Variants in ITPK1 observed in about 807,000 individuals in gnomAD.
ITPK1 encodes inositol-tetrakisphosphate 1-kinase.
A neutral mutation model predicts 45.3 loss-of-function variants in ITPK1; 21 were observed. The observed-to-expected ratio is 0.46, with a 90% CI of 0.33 to 0.67. The LOEUF is 0.67. ITPK1 is among the 30% of genes least tolerant of loss of function. ITPK1 has a pLI of 0.02. For missense variants in ITPK1, 474 were observed against 573.5 expected (o/e 0.83, Z 1.77); for synonymous variants, 258 against 253.6 (o/e 1.02, Z -0.16).
In ITPK1 at chr14:92,953,232, C is replaced by T. The variant is rs550253847; in HGVS notation, c.671-1219G>A. ...TTCGGGCGGAAGCCAAGCAGGCAGG[C>T]GCTGAGATGTACCCGGCGTCCCTCC... On this transcript the variant is annotated intron_variant, in intron 8 of 10. Coordinates refer to ENST00000267615, the MANE Select transcript of ITPK1 (RefSeq NM_014216.6). Among the ~76,000 whole-genome samples the T allele has an allele frequency of 5.9e-5, 9 of 152,370 alleles. No individual in the cohort carries two copies. In the East Asian group the frequency reaches 7.7e-4, roughly 13 times the overall value.
intron 2 of ITPK1, among the ~76,000 whole-genome samples, chr14:93,087,346 C>G (rs577765560): frequency 5.7e-4 from 87 of 152,308 alleles, no homozygotes; most frequent in African/African-American, 2.0e-3. Flanking sequence ...TTTCAAGATG[C>G]CTCACTCCTT....
rs147114354 is a variant in ITPK1 at position 92,946,409 on chromosome 14, C to T, written c.823G>A (p.Val275Met). The change falls in exon 10 of 11, where the codon GTG (valine) becomes ATG (methionine). Residue 275 changes from valine (V) to methionine (M), a missense_variant. Around this residue, in one of 2 missense-constraint regions of ITPK1, gnomAD observed 367 missense variants for 480.6 expected, o/e 0.76. Coordinates refer to ENST00000267615, the MANE Select transcript of ITPK1 (RefSeq NM_014216.6). ...LSRALRQALG[V>M]SLFGIDIIIN... The stretch of plus-strand genomic sequence containing the variant: ...ATGATGTCGATGCCGAAGAGTGACA[C>T]GCCCAGTGCCTGCCGCAGGGCCCGG... The T allele has an allele frequency of 1.5e-4, 243 of 1,613,196 alleles. No homozygotes were observed. The highest frequency in any genetic ancestry group is 1.8e-4 in the Non-Finnish European group (209 of 1,179,994).
chr14:93,093,337 C>T (rs8005954), intron 2 of ITPK1, among the ~76,000 whole-genome samples: 1,696 of 152,344 alleles, frequency 0.011, 11 homozygotes, highest in African/African-American at 0.024. Context: ...CAGGCCGTTT[C>T]GGCCCTTTGT....
chr14:93,098,496 T>C (rs755180380), intron 2 of ITPK1, among the ~76,000 whole-genome samples: 24 of 150,296 alleles, frequency 1.6e-4, no homozygotes, highest in Admixed American at 2.6e-4. Flanking sequence ...GGCGTGGTGG[T>C]GGGCGCCTGT....
intron 2 of ITPK1, among the ~76,000 whole-genome samples, chr14:93,085,587 C>A (rs1891617113): frequency 6.6e-6 from 1 of 152,160 alleles, no homozygotes; most frequent in Non-Finnish European, 1.5e-5. Context: ...CTGAAAGCAG[C>A]ACAGGAACTG....
rs1179305345 is a variant in ITPK1 at position 92,938,854 on chromosome 14, C to A, written c.*2707G>T. 2.2e-6 allele frequency: 1 copy of A among 448,400 alleles called. No individual in the cohort carries two copies. Among genetic ancestry groups the A allele is most frequent in the Admixed American group, 3.8e-5 (1 of 26,506 alleles). The allele number at this position is 448,400 out of a possible 1,614,324, so 27.8% of individuals were successfully genotyped here. On this transcript the variant is annotated 3_prime_UTR_variant, in exon 11 of 11. Coordinates refer to ENST00000267615, the MANE Select transcript of ITPK1 (RefSeq NM_014216.6). ...ATAATCAAAGCACTGTCAGGCAGAA[C>A]TTGACCCACGGCCTCAGCCCCAGGG...
At chr14:92,983,177 T>C (rs1321449190) in intron 5 of ITPK1, among the ~76,000 whole-genome samples, 1 of 152,210 alleles carries the variant, frequency 6.6e-6, no homozygotes, top group Non-Finnish European at 1.5e-5. Context: ...CTGCGCCCGA[T>C]GTCTGAGTCT....
intron 1 of ITPK1, among the ~76,000 whole-genome samples, 154 bp downstream of exon 1, chr14:93,115,618 G>A (rs1197659244): frequency 1.0e-4 from 15 of 147,196 alleles, no homozygotes; most frequent in African/African-American, 3.4e-4. Flanking sequence ...CACGCCCTCA[G>A]GCGGCGGCAG....
intron 3 of ITPK1, among the ~76,000 whole-genome samples, chr14:93,046,603 G>A (rs1043987713): frequency 2.8e-5 from 4 of 141,962 alleles, no homozygotes; most frequent in East Asian, 4.7e-4. Flanking sequence ...GCGGGGGGGG[G>A]CGGCGGGGGG....
intron 3 of ITPK1, among the ~76,000 whole-genome samples, chr14:93,072,849 A>C (rs999940463): frequency 1.3e-5 from 2 of 152,218 alleles, no homozygotes; most frequent in Non-Finnish European, 2.9e-5. Flanking sequence ...TCATGAGCTC[A>C]AGCAATCCAC....
At chr14:93,037,106 C>T (rs1344996741) in intron 3 of ITPK1, 1 of 152,340 alleles carries the variant, frequency 6.6e-6, no homozygotes, top group Non-Finnish European at 1.5e-5. Context: ...TGGGTGGCTC[C>T]TGCTCTGAGC....
chr14:92,964,683 G>A (rs555091811), intron 5 of ITPK1, among the ~76,000 whole-genome samples: 2 of 152,332 alleles, frequency 1.3e-5, no homozygotes, highest in East Asian at 1.9e-4. Flanking sequence ...TCCTCCCACA[G>A]GAAGATTTGG....
intron 9 of ITPK1, among the ~76,000 whole-genome samples, chr14:92,947,085 A>G (rs902700471): frequency 5.9e-5 from 9 of 152,188 alleles, no homozygotes; most frequent in Non-Finnish European, 1.0e-4. Context: ...GGCACAAGTG[A>G]GGAGTTCTGA....
At position 93,032,688 on chromosome 14, in the gene ITPK1, C is replaced by T. The variant is rs1047535621; in HGVS notation, c.121-15887G>A. Among the ~76,000 whole-genome samples the T allele has an allele frequency of 6.6e-6, 1 of 152,220 alleles. No individual in the cohort carries two copies. Among genetic ancestry groups the T allele is most frequent in the African/African-American group, 2.4e-5 (1 of 41,464 alleles). On this transcript the variant is annotated intron_variant, in intron 3 of 10. Transcript: ENST00000267615. This position sits in a 1 kb window ranked among gnomAD's most constrained non-coding sequence, Gnocchi z 4.0. ...CACATACACACCATGCTGGGCGGGG[C>T]AGCTTGATGCCCTTGAATATCTTCC...
intron 5 of ITPK1, among the ~76,000 whole-genome samples, chr14:92,980,668 AGTTT>A (rs1036837262): frequency 9.2e-5 from 14 of 151,802 alleles, no homozygotes; most frequent in African/African-American, 3.1e-4. Flanking sequence ...CCTCTCTCAT[AGTTT>A]GTTTGTTTAT....
At chr14:92,967,470 T>C (rs1263081983) in intron 5 of ITPK1, among the ~76,000 whole-genome samples, 2 of 152,144 alleles carry the variant, frequency 1.3e-5, no homozygotes, top group Non-Finnish European at 2.9e-5. Flanking sequence ...CTGGTGGGAA[T>C]AGAGAAATGG....
At chr14:93,028,481 G>A (rs564931349) in intron 3 of ITPK1, among the ~76,000 whole-genome samples, 1 of 152,236 alleles carries the variant, frequency 6.6e-6, no homozygotes, top group Non-Finnish European at 1.5e-5. Flanking sequence ...TCAAGTCCCA[G>A]ATACTGGAAG....
intron 3 of ITPK1, among the ~76,000 whole-genome samples, chr14:93,041,770 C>G (rs973429108): frequency 1.3e-5 from 2 of 152,198 alleles, no homozygotes; most frequent in Non-Finnish European, 2.9e-5. Flanking sequence ...GTCCTGTGCT[C>G]GCACCCAGCA....
At chr14:93,073,996 C>A (rs1045675659) in intron 3 of ITPK1, among the ~76,000 whole-genome samples, 3 of 152,208 alleles carry the variant, frequency 2.0e-5, no homozygotes, top group African/African-American at 7.2e-5. Flanking sequence ...ACTGCAAACA[C>A]CCCCAGCTCC....
Sources: gnomAD v4.1 joint callset for allele counts (sites outside exome capture counted in the v4.1 genomes callset) on GRCh38, gnomAD v4.1.1 for gene constraint, gnomAD v4.1.1 regional missense constraint, Gnocchi (gnomAD v3.1) non-coding constraint, MANE v1.5 for transcripts, NCBI Gene and HGNC (gene_info 2026-07-23, HGNC 2026-07-21) for gene names.